NUP98: variants seen among roughly 807,000 people sequenced by gnomAD.
NUP98 encodes the protein nucleoporin 98 and 96 precursor, also known as nuclear pore complex protein Nup98-Nup96.
In NUP98, 26 loss-of-function variants were observed where a neutral mutation model predicts 191.9. The observed-to-expected ratio is 0.14, with a 90% CI of 0.10 to 0.19. The LOEUF (loss-of-function observed/expected upper bound fraction) is 0.19. NUP98 is among the 10% of genes least tolerant of loss of function. The pLI, the probability that NUP98 is intolerant of heterozygous loss-of-function variation, is 1.00. For missense variants in NUP98, 1,941 were observed against 2,178.8 expected (o/e 0.89, Z 2.17); for synonymous variants, 808 against 778.4 (o/e 1.04, Z -0.63).
chr11:3,772,182 A>G (rs1564910980), intron 6 of NUP98, among the ~76,000 whole-genome samples: 1 of 152,106 alleles, frequency 6.6e-6, no homozygotes, highest in Non-Finnish European at 1.5e-5. Flanking sequence ...TTCACAAACA[A>G]TACACTCTTT....
At chr11:3,735,844 T>C (rs1011995618) in intron 12 of NUP98, among the ~76,000 whole-genome samples, 2 of 151,118 alleles carry the variant, frequency 1.3e-5, no homozygotes, top group Middle Eastern at 3.4e-3. Context: ...TGTGTGTGTG[T>C]GTGTGCGTGC....
chr11:3,789,909 C>T (rs186763019), intron 1 of NUP98, among the ~76,000 whole-genome samples: 149 of 152,200 alleles, frequency 9.8e-4, no homozygotes, highest in Middle Eastern at 3.4e-3. Context: ...CTCAGCCTCT[C>T]GAGAAGATGG....
intron 8 of NUP98, among the ~76,000 whole-genome samples, chr11:3,765,932 T>C (rs1443172170): frequency 2.0e-5 from 3 of 152,238 alleles, no homozygotes; most frequent in Non-Finnish European, 4.4e-5. Flanking sequence ...GACTATTCTT[T>C]CCTCACTGAA....
intron 21 of NUP98, 133 bp downstream of exon 21, chr11:3,706,312 T>G: frequency 1.3e-6 from 1 of 752,024 alleles, no homozygotes; most frequent in Non-Finnish European, 2.2e-6. Flanking sequence ...TTGGCCATAT[T>G]CTTGTATTTT....
intron 29 of NUP98, 48 bp from the exon 30 acceptor site, chr11:3,683,489 A>G (rs747413895): frequency 4.4e-6 from 7 of 1,605,234 alleles, no homozygotes; most frequent in Non-Finnish European, 5.1e-6. Context: ...ATTCATGGAG[A>G]AGGCTGCCCC....
intron 28 of NUP98, 112 bp downstream of exon 28, chr11:3,691,235 T>C: frequency 8.9e-7 from 1 of 1,127,900 alleles, no homozygotes; most frequent in Non-Finnish European, 1.3e-6. Context: ...ATTTGGTAGT[T>C]TATATGGACT....
intron 22 of NUP98, among the ~76,000 whole-genome samples, chr11:3,703,489 T>C (rs12292947): frequency 0.2 from 30,018 of 152,074 alleles, 3,097 homozygotes; most frequent in Middle Eastern, 0.26. Flanking sequence ...GTGCTGCAAT[T>C]ACAGGCATGA....
rs546621567 is a variant in NUP98 at position 3,735,795 on chromosome 11, G to A, written c.1409-471C>T. ...TGTGTGTGTGTGTGTGTGTGTAATT[G>A]TCTAAAGGAAATAATATGACAGTAT... On this transcript the variant is annotated intron_variant, in intron 12 of 32. Transcript: ENST00000324932. Among the ~76,000 whole-genome samples, 56 of 140,006 alleles carry A rather than the reference G, an allele frequency of 4.0e-4. No individual in the cohort carries two copies. The East Asian group carries it at 0.01, about 26-fold the overall frequency. 91.8% of individuals were successfully genotyped at this position (140,006 alleles called of 152,430 possible). A position where few individuals can be genotyped will look rare whatever the true frequency, so the allele number is the denominator to read the frequency against.
chr11:3,753,962 TAAATA>T (rs1189618237), intron 10 of NUP98, among the ~76,000 whole-genome samples: 3 of 150,452 alleles, frequency 2.0e-5, no homozygotes, highest in Admixed American at 6.6e-5. Flanking sequence ...AATAAATAAA[TAAATA>T]AAATAAAATA....
chr11:3,740,435 T>C (rs1345752012), intron 12 of NUP98, among the ~76,000 whole-genome samples: 3 of 151,042 alleles, frequency 2.0e-5, no homozygotes, highest in Non-Finnish European at 2.9e-5. Context: ...CACTTGAACC[T>C]GGGAGGCGAA....
intron 1 of NUP98, among the ~76,000 whole-genome samples, chr11:3,786,777 A>G (rs1454318712): frequency 6.6e-6 from 1 of 152,224 alleles, no homozygotes; most frequent in African/African-American, 2.4e-5. Flanking sequence ...AAAGTAGTGG[A>G]TATCCTGAAA....
chr11:3,754,290 A>G (rs1021598883), intron 10 of NUP98, among the ~76,000 whole-genome samples: 3 of 152,154 alleles, frequency 2.0e-5, no homozygotes, highest in African/African-American at 7.2e-5. Flanking sequence ...GCCGGGCATG[A>G]TGGCGCATGC....
chr11:3,693,681 C>G (rs1036661943), intron 26 of NUP98, among the ~76,000 whole-genome samples: 1 of 152,134 alleles, frequency 6.6e-6, no homozygotes, highest in African/African-American at 2.4e-5. Flanking sequence ...GAATCAGACA[C>G]TGTGCCTGGT....
chr11:3,735,160 T>C (rs373011121), intron 13 of NUP98, 31 bp downstream of exon 13: 12 of 1,523,606 alleles, frequency 7.9e-6, no homozygotes, highest in Admixed American at 2.0e-5. Context: ...TTCTTTGATA[T>C]GATATTTTAC....
chr11:3,786,739 A>G (rs75401611), intron 1 of NUP98, among the ~76,000 whole-genome samples: 2,263 of 152,312 alleles, frequency 0.015, 67 homozygotes, highest in African/African-American at 0.052. Flanking sequence ...CTCTGGGTAC[A>G]ATGACAAAAC....
In NUP98 at chr11:3,705,289, C is replaced by T. The variant is rs373422722; in HGVS notation, c.2993G>A (p.Arg998His). Residue 998 changes from arginine (R) to histidine (H), a missense_variant, in exon 22 of 33, where the codon CGC (arginine) becomes CAC (histidine). Transcript: ENST00000324932. The part of the protein sequence containing the change: ...VDMALDQRFS[R>H]LPSKADTSQE... ...AGAAGTATCTGCTTTGGAAGGCAGG[C>T]GACTGAAGCGTTGATCCAGTGCCAT... The T allele has an allele frequency of 6.4e-5, 103 of 1,613,956 alleles. 1 individual carries two copies. The South Asian group carries it at 8.5e-4, about 13-fold the overall frequency.
At position 3,782,110 on chromosome 11, in the gene NUP98, T is replaced by C. The variant is rs1312836135; in HGVS notation, c.8A>G (p.Asn3Ser). Residue 3 changes from asparagine (N) to serine (S), a missense_variant, in exon 2 of 33, where the codon AAC becomes AGC. Transcript: ENST00000324932. ...CCCAAAGGGTGTTCCAAATGATTTG[T>C]TAAACATCTTCAAAATGAGTCTTTG... MF[N>S]KSFGTPFGGG... The C allele has an allele frequency of 1.9e-6, 3 of 1,610,204 alleles. No individual in the cohort carries two copies. Among genetic ancestry groups the C allele is most frequent in the African/African-American group, 2.7e-5 (2 of 74,820 alleles).
rs528421121 is a variant in NUP98, at chr11:3,675,903, A to G, written c.*256T>C. ...TTCTGCCAAAGGAGCTTTATTGACC[A>G]TTTTTTTAAAGGAAAAACACTGAAT... On this transcript the variant is annotated 3_prime_UTR_variant, in exon 33 of 33. Coordinates refer to ENST00000324932, the MANE Select transcript of NUP98 (RefSeq NM_016320.5). 3.3e-4 allele frequency: 168 copies of G among 513,560 alleles called. 1 individual carries two copies. Among genetic ancestry groups the G allele is most frequent in the African/African-American group, 3.1e-3 (161 of 52,702 alleles). The allele number at this position is 513,560 out of a possible 1,614,324, so 31.8% of individuals were successfully genotyped here.
chr11:3,730,216 C>T (rs61877579), intron 14 of NUP98, among the ~76,000 whole-genome samples: 6,901 of 152,118 alleles, frequency 0.045, 212 homozygotes, highest in Middle Eastern at 0.099. Context: ...GCCTGGGTAA[C>T]AGAGCGACTG....
Sources: gnomAD v4.1 joint callset for allele counts (sites outside exome capture counted in the v4.1 genomes callset) on GRCh38, gnomAD v4.1.1 for gene constraint, MANE v1.5 for transcripts, NCBI Gene and HGNC (gene_info 2026-07-23, HGNC 2026-07-21) for gene names.